The following KCNJ6 variants were observed in gnomAD, a reference collection of about 807,000 sequenced individuals.
KCNJ6 encodes the protein potassium inwardly rectifying channel subfamily J member 6.
In KCNJ6, 9 loss-of-function variants were observed where a neutral mutation model predicts 34.2. That is an observed-to-expected ratio of 0.26 (90% CI 0.16 to 0.46). KCNJ6 has a LOEUF of 0.46. KCNJ6 is among the 20% of genes least tolerant of loss of function. KCNJ6 has a pLI of 1.00. For synonymous variants in KCNJ6, 196 were observed against 207.1 expected (o/e 0.95, Z 0.46); for missense variants, 236 against 531.3 (o/e 0.44, Z 5.46).
chr21:37,663,965 G>A (rs531353831), intron 3 of KCNJ6, among the ~76,000 whole-genome samples: 1 of 152,272 alleles, frequency 6.6e-6, no homozygotes, highest in South Asian at 2.1e-4. Context: ...CATGTACAAC[G>A]TTAGCAAGTA....
chr21:37,672,279 C>T (rs2054545732), intron 3 of KCNJ6, among the ~76,000 whole-genome samples: 1 of 151,950 alleles, frequency 6.6e-6, no homozygotes, highest in African/African-American at 2.4e-5. Flanking sequence ...CTTCTCTTTT[C>T]TGTGGAAGCT....
chr21:37,670,842 T>G (rs902542976), intron 3 of KCNJ6, among the ~76,000 whole-genome samples: 1 of 152,246 alleles, frequency 6.6e-6, no homozygotes, highest in Non-Finnish European at 1.5e-5. Flanking sequence ...TCCATTTATT[T>G]AGATATTCTT....
At chr21:37,803,738 C>A (rs2055280579) in intron 2 of KCNJ6, among the ~76,000 whole-genome samples, 1 of 152,146 alleles carries the variant, frequency 6.6e-6, no homozygotes, top group Non-Finnish European at 1.5e-5. Context: ...TTAAAATGAA[C>A]ACACGACACC....
At position 37,724,732 on chromosome 21, in the gene KCNJ6, G is replaced by A. The variant is rs543933921; in HGVS notation, c.26-9601C>T. Among the ~76,000 whole-genome samples, 222 of 152,266 alleles carry A rather than the reference G, an allele frequency of 1.5e-3. 1 individual carries two copies. Among genetic ancestry groups the A allele is most frequent in the African/African-American group, 4.9e-3 (205 of 41,544 alleles). ...CTCCTGTAGGCAACCAGGTGTGTGGGGCTAGAGCTGAGGGCGACCTGGACC... is the reference window on the plus strand; with the variant it reads ...CTCCTGTAGGCAACCAGGTGTGTGGAGCTAGAGCTGAGGGCGACCTGGACC... On this transcript the variant is annotated intron_variant, in intron 2 of 3. Coordinates refer to ENST00000609713, the MANE Select transcript of KCNJ6 (RefSeq NM_002240.5).
chr21:37,858,947 T>C (rs1303680045), intron 1 of KCNJ6, among the ~76,000 whole-genome samples: 2 of 152,120 alleles, frequency 1.3e-5, no homozygotes, highest in African/African-American at 4.8e-5. Flanking sequence ...TTAAACATAC[T>C]TTATGGTAGG....
At chr21:37,705,957 TC>T (rs35124246) in intron 3 of KCNJ6, among the ~76,000 whole-genome samples, 152,351 of 152,352 alleles carry the variant, frequency 1, 76,175 homozygotes, top group Middle Eastern at 1. Context: ...TAAGGTTATT[TC>T]CTCAGTCATC....
At chr21:37,876,113 A>G (rs2055676720) in intron 1 of KCNJ6, among the ~76,000 whole-genome samples, 1 of 152,242 alleles carries the variant, frequency 6.6e-6, no homozygotes, top group South Asian at 2.1e-4. Flanking sequence ...ATGGCAGAGC[A>G]TTAAATCAAG....
chr21:37,627,083 T>C (rs567784981), intron 3 of KCNJ6, among the ~76,000 whole-genome samples: 1 of 152,290 alleles, frequency 6.6e-6, no homozygotes, highest in Admixed American at 6.5e-5. Flanking sequence ...TACCTGTGAA[T>C]GTTTACACAG....
intron 1 of KCNJ6, among the ~76,000 whole-genome samples, chr21:37,863,846 G>GTTTTTTTTTTTTTTTTTTTTTTTTTTTT (rs772060420): frequency 5.2e-5 from 5 of 97,068 alleles, no homozygotes; most frequent in African/African-American, 1.3e-4. Flanking sequence ...AAATATAAAG[G>GTTTTTTTTTTTTTTTTTTTTTTTTTTTT]TTTTTTTTTT....
At chr21:37,871,096 T>C (rs1363725255) in intron 1 of KCNJ6, among the ~76,000 whole-genome samples, 1 of 152,146 alleles carries the variant, frequency 6.6e-6, no homozygotes, top group South Asian at 2.1e-4. Context: ...TGTTGAGGGC[T>C]CCACTGACTG....
chr21:37,729,541 C>T (rs762010131), intron 2 of KCNJ6, among the ~76,000 whole-genome samples: 3 of 152,148 alleles, frequency 2.0e-5, no homozygotes, highest in African/African-American at 4.8e-5. Context: ...TCAGGCTGGT[C>T]GTGAACTCCT....
At chr21:37,790,322 G>A (rs980474191) in intron 2 of KCNJ6, among the ~76,000 whole-genome samples, 2 of 152,138 alleles carry the variant, frequency 1.3e-5, no homozygotes, top group Non-Finnish European at 2.9e-5. Context: ...AAAGGAAATG[G>A]AAAAAGCAGG....
At chr21:37,699,513 C>A (rs989518252) in intron 3 of KCNJ6, among the ~76,000 whole-genome samples, 2 of 152,206 alleles carry the variant, frequency 1.3e-5, no homozygotes, top group Non-Finnish European at 2.9e-5. Context: ...TGAGAGCCAG[C>A]TTGTTCCTCT....
intron 1 of KCNJ6, among the ~76,000 whole-genome samples, chr21:37,874,641 C>T (rs936097222): frequency 3.3e-5 from 5 of 152,150 alleles, no homozygotes; most frequent in African/African-American, 1.2e-4. Flanking sequence ...CTGTCCCACT[C>T]AGCCACACCC....
intron 2 of KCNJ6, among the ~76,000 whole-genome samples, chr21:37,809,176 C>T: frequency 6.6e-6 from 1 of 152,170 alleles, no homozygotes; most frequent in Non-Finnish European, 1.5e-5. Context: ...ACATATACCC[C>T]ATGGAATACT....
At chr21:37,829,723 G>T (rs552450915) in intron 2 of KCNJ6, among the ~76,000 whole-genome samples, 1 of 152,228 alleles carries the variant, frequency 6.6e-6, no homozygotes, top group African/African-American at 2.4e-5. Context: ...GAAGGCCAAA[G>T]TCCCTGTGAA....
At chr21:37,859,023 G>A (rs1474954148) in intron 1 of KCNJ6, among the ~76,000 whole-genome samples, 1 of 152,108 alleles carries the variant, frequency 6.6e-6, no homozygotes, top group African/African-American at 2.4e-5. Flanking sequence ...AGAACAAAAT[G>A]AAACTCTCAT....
chr21:37,911,453 A>G (rs1188062530), intron 1 of KCNJ6, among the ~76,000 whole-genome samples: 1 of 152,208 alleles, frequency 6.6e-6, no homozygotes, highest in Non-Finnish European at 1.5e-5. Flanking sequence ...CCAATTATTG[A>G]AGATAAAATG....
At chr21:37,734,192 A>C (rs1309318524) in intron 2 of KCNJ6, among the ~76,000 whole-genome samples, 2 of 152,136 alleles carry the variant, frequency 1.3e-5, no homozygotes, top group African/African-American at 4.8e-5. Context: ...TTCTAGGAAT[A>C]TCATTTTTCT....
Sources: gnomAD v4.1 joint callset for allele counts (sites outside exome capture counted in the v4.1 genomes callset) on GRCh38, gnomAD v4.1.1 for gene constraint, MANE v1.5 for transcripts, NCBI Gene and HGNC (gene_info 2026-07-23, HGNC 2026-07-21) for gene names.